The following RBM27 variants were observed in gnomAD, a reference collection of about 807,000 sequenced individuals.
RBM27 encodes the protein RNA binding motif protein 27.
Under a neutral mutation model 135.3 loss-of-function variants are expected in RBM27, and 22 were observed. The observed-to-expected ratio is 0.16, with a 90% CI of 0.12 to 0.23. The LOEUF (loss-of-function observed/expected upper bound fraction) is 0.23. Ranked by LOEUF, RBM27 falls within the 10% of genes least tolerant of loss-of-function variation. The pLI, the probability that RBM27 is intolerant of heterozygous loss-of-function variation, is 1.00. For missense variants in RBM27, 1,009 were observed against 1,281.0 expected, an observed-to-expected ratio of 0.79 and a Z score of 3.24; for synonymous variants, 481 against 442.4, an observed-to-expected ratio of 1.09 and a Z score of -1.10.
intron 1 of RBM27, among the ~76,000 whole-genome samples, chr5:146,216,099 C>T (rs111525250): frequency 0.033 from 5,010 of 152,246 alleles, 246 homozygotes; most frequent in African/African-American, 0.11. Flanking sequence ...CTCTGTTGCC[C>T]ATGCTGGAGT....
intron 1 of RBM27, among the ~76,000 whole-genome samples, 164 bp from the exon 2 acceptor site, chr5:146,218,821 C>T (rs934517206): frequency 9.9e-5 from 15 of 152,176 alleles, no homozygotes; most frequent in Admixed American, 9.8e-4. Context: ...AGGAAAATCT[C>T]GCAGTATGTA....
At chr5:146,273,955 G>A (rs1179010103) in intron 19 of RBM27, among the ~76,000 whole-genome samples, 1 of 152,184 alleles carries the variant, frequency 6.6e-6, no homozygotes, top group Non-Finnish European at 1.5e-5. Context: ...TGATAACCAT[G>A]TAAATGTTTG....
chr5:146,274,334 A>G (rs1581236850), intron 19 of RBM27, among the ~76,000 whole-genome samples: 1 of 146,820 alleles, frequency 6.8e-6, no homozygotes. Flanking sequence ...TTAGCTCACT[A>G]CAACCTCTGC....
intron 8 of RBM27, among the ~76,000 whole-genome samples, chr5:146,244,082 T>C (rs1055559310): frequency 6.6e-6 from 1 of 152,128 alleles, no homozygotes; most frequent in African/African-American, 2.4e-5. Flanking sequence ...CTGTGAGAAA[T>C]AAAGCATTCA....
At chr5:146,237,170 C>T (rs187970875) in intron 7 of RBM27, 128 bp from the exon 8 acceptor site, 40 of 1,066,692 alleles carry the variant, frequency 3.7e-5, no homozygotes, top group Non-Finnish European at 4.8e-5. Flanking sequence ...AACTCCTGAC[C>T]TCAGGTGATC....
Position 146,267,732 on chromosome 5 carries a change from A to G in RBM27, c.2415A>G (p.Lys805=), listed in dbSNP as rs373574807. ...CTTCAAAGCTCTGTTCAGGGTCTAAATCTCATGATGTTCAAGAAGTGCTTA... is the reference window on the plus strand; with the variant it reads ...CTTCAAAGCTCTGTTCAGGGTCTAAGTCTCATGATGTTCAAGAAGTGCTTA... The part of the protein sequence containing the change: ...KTPSKLCSGS[K]SHDVQEVLKK... Residue 805 remains lysine (K), a synonymous_variant, in exon 15 of 21, where the codon AAA becomes AAG. Coordinates refer to ENST00000265271, the MANE Select transcript of RBM27 (RefSeq NM_018989.2). The G allele has an allele frequency of 1.9e-5, 30 of 1,610,414 alleles. No homozygotes were observed. The highest frequency in any genetic ancestry group is 2.5e-5 in the Non-Finnish European group (29 of 1,178,494).
intron 8 of RBM27, among the ~76,000 whole-genome samples, chr5:146,249,331 T>C (rs1044104700): frequency 1.3e-4 from 20 of 152,134 alleles, no homozygotes; most frequent in South Asian, 1.2e-3. Flanking sequence ...AGGTCACTCT[T>C]CACAAGTAAT....
In RBM27 at chr5:146,251,712, A is replaced by G. The variant is rs774606878; in HGVS notation, c.1281A>G (p.Arg427=). 43 of 1,607,184 alleles carry G rather than the reference A, an allele frequency of 2.7e-5. No individual in the cohort carries two copies. The highest frequency in any genetic ancestry group is 3.7e-5 in the Non-Finnish European group (43 of 1,173,772). Residue 427 remains arginine, a splice_region_variant and synonymous_variant, in exon 9 of 21, where the codon CGA becomes CGG. Coordinates refer to ENST00000265271, the MANE Select transcript of RBM27 (RefSeq NM_018989.2). ...PQNLLYTVSE[R]QPMYSREHGA... is the part of the protein sequence containing the mutation. ...GCCCTCCTATTCTTTCCTCTATAGG[A>G]CAGCCCATGTACTCTCGTGAACATG... is the stretch of plus-strand genomic sequence containing the variant.
rs780195294 is a variant in RBM27 at position 146,228,966 on chromosome 5, G to A, written c.324G>A (p.Glu108=). ...TATAGGTATTTCAGGAGCCAGCAGA[G>A]GAAGAACGAGATGGCAGAAAAAAGA... ...IKEEVFQEPA[E]EERDGRKKKY... is the part of the protein sequence containing the mutation. Residue 108 remains glutamate, a synonymous_variant, in exon 4 of 21, where the codon GAG becomes GAA. Coordinates refer to ENST00000265271, the MANE Select transcript of RBM27 (RefSeq NM_018989.2). The A allele has an allele frequency of 2.5e-6, 4 of 1,613,372 alleles. No individual in the cohort carries two copies. Among genetic ancestry groups the A allele is most frequent in the South Asian group, 1.1e-5 (1 of 91,070 alleles).
chr5:146,287,860 A>G lies in RBM27; in HGVS notation c.*1830A>G, dbSNP rs144409965. On this transcript the variant is annotated 3_prime_UTR_variant, in exon 21 of 21. Transcript: ENST00000265271. ...CAGAATGGTGTATCTAGAATACACA[A>G]TCTTGCTCCTTACTCCTCCATCATC... 1.5e-4 allele frequency: 23 copies of G among 152,254 alleles called. No individual in the cohort carries two copies. Among genetic ancestry groups the G allele is most frequent in the African/African-American group, 4.6e-4 (19 of 41,570 alleles). 9.4% of individuals were successfully genotyped at this position (152,254 alleles called of 1,614,324 possible).
chr5:146,275,647 T>TA (rs1581239004), intron 19 of RBM27, among the ~76,000 whole-genome samples: 2 of 152,316 alleles, frequency 1.3e-5, no homozygotes, highest in East Asian at 3.9e-4. Flanking sequence ...TTTAATATCT[T>TA]AATGAAGTTA....
At chr5:146,260,696 T>C (rs1444976538) in intron 11 of RBM27, 49 bp from the exon 12 acceptor site, 1 of 1,479,650 alleles carries the variant, frequency 6.8e-7, no homozygotes, top group African/African-American at 1.4e-5. Context: ...ATCTCTTTGC[T>C]AGGCATGAAG....
intron 10 of RBM27, among the ~76,000 whole-genome samples, chr5:146,257,853 G>A (rs912566904): frequency 2.0e-4 from 29 of 145,530 alleles, no homozygotes; most frequent in Non-Finnish European, 4.5e-5. Flanking sequence ...TTTCACTCTT[G>A]TTGCCCAGGC....
Position 146,275,545 on chromosome 5 carries a change from G to T in RBM27, c.2988+3871G>T, listed in dbSNP as rs149309121. ...GCCTCCCAAAGTGCTAGGATTATAG[G>T]CATGAGCCACTGCGCCCGGCCCAGA... On this transcript the variant is annotated intron_variant, in intron 19 of 20. Coordinates refer to ENST00000265271, the MANE Select transcript of RBM27 (RefSeq NM_018989.2). Among the ~76,000 whole-genome samples the T allele has an allele frequency of 6.1e-3, 927 of 152,192 alleles. 5 individuals are homozygous for T. The highest frequency in any genetic ancestry group is 9.5e-3 in the Non-Finnish European group (643 of 68,010).
At position 146,258,536 on chromosome 5, in the gene RBM27, GA is replaced by G; in HGVS notation, c.1687del (p.Arg563GlufsTer3). The G allele has an allele frequency of 1.3e-6, 2 of 1,598,210 alleles. No homozygotes were observed. The highest frequency in any genetic ancestry group is 2.3e-5 in the East Asian group (1 of 43,812). ...ITRVVLEPDSRKRAMSGLEGP... is the reference protein window; with the variant it reads ...ITRVVLEPDSXKRAMSGLEGP... The stretch of plus-strand genomic sequence containing the variant: ...AGAGTAGTTCTTGAACCAGATAGTC[GA>G]AAAAGAGCTATGAGTGGTTTGGAAG... On this transcript the variant is annotated frameshift_variant, in exon 11 of 21. Coordinates refer to ENST00000265271, the MANE Select transcript of RBM27 (RefSeq NM_018989.2). LOFTEE classifies it high-confidence loss of function.
Position 146,250,294 on chromosome 5 carries a change from AG to A in RBM27, c.1280-1416del, listed in dbSNP as rs772967577. ...TCTCTACTAAAAATACAAAAAAATTAGCCAGGCATGGTGGTGGGCGCCTGTA... is the reference window on the plus strand; with the variant it reads ...TCTCTACTAAAAATACAAAAAAATTACCAGGCATGGTGGTGGGCGCCTGTA... On this transcript the variant is annotated intron_variant, in intron 8 of 20. Coordinates refer to ENST00000265271, the MANE Select transcript of RBM27 (RefSeq NM_018989.2). 3.7e-4 allele frequency among the ~76,000 whole-genome samples: 57 copies of A among 152,156 alleles called. 1 individual carries two copies. The highest frequency in any genetic ancestry group is 1.2e-3 in the South Asian group (6 of 4,826).
intron 19 of RBM27, among the ~76,000 whole-genome samples, chr5:146,276,489 C>A (rs1229932889): frequency 6.6e-6 from 1 of 152,168 alleles, no homozygotes; most frequent in Admixed American, 6.6e-5. Flanking sequence ...TCATATGAGG[C>A]AACAGAATAC....
At chr5:146,276,647 A>G (rs571966366) in intron 19 of RBM27, among the ~76,000 whole-genome samples, 8 of 152,248 alleles carry the variant, frequency 5.3e-5, no homozygotes, top group Admixed American at 5.2e-4. Context: ...AGTTAGGCAG[A>G]TAGTTTTCTT....
chr5:146,279,470 AC>A lies in RBM27; in HGVS notation c.2989-5151del, dbSNP rs1169109395. On this transcript the variant is annotated intron_variant, in intron 19 of 20. Transcript: ENST00000265271. The stretch of plus-strand genomic sequence containing the variant: ...TAAAAAACAAAAAAACAAAAAAAAA[AC>A]AAAACTTTTAAAAATAAAAATATAA... Among the ~76,000 whole-genome samples the A allele has an allele frequency of 4.6e-5, 7 of 150,992 alleles. No individual in the cohort carries two copies. The South Asian group carries it at 6.3e-4, about 14-fold the overall frequency.
Sources: gnomAD v4.1 joint callset for allele counts (sites outside exome capture counted in the v4.1 genomes callset) on GRCh38, gnomAD v4.1.1 for gene constraint, MANE v1.5 for transcripts, NCBI Gene and HGNC (gene_info 2026-07-23, HGNC 2026-07-21) for gene names.